FHIT: variants seen among roughly 807,000 people sequenced by gnomAD.
FHIT encodes bis(5'-adenosyl)-triphosphatase.
In FHIT, 19 loss-of-function variants were observed where a neutral mutation model predicts 17.9. That is an observed-to-expected ratio of 1.06 (90% CI 0.74 to 1.56). The LOEUF (loss-of-function observed/expected upper bound fraction) is 1.56. FHIT is among the 40% of genes most tolerant of loss of function. FHIT has a pLI of 0.00. For missense variants in FHIT, 248 were observed against 189.2 expected (o/e 1.31, Z -1.82); for synonymous variants, 81 against 69.7 (o/e 1.16, Z -0.81).
intron 5 of FHIT, among the ~76,000 whole-genome samples, chr3:60,225,391 T>G (rs975781493): frequency 6.6e-6 from 1 of 152,118 alleles, no homozygotes; most frequent in Non-Finnish European, 1.5e-5. Flanking sequence ...ATACACCAAG[T>G]GCTGGAGGAA....
chr3:59,989,333 C>G (rs1206251262), intron 7 of FHIT, among the ~76,000 whole-genome samples: 1 of 151,960 alleles, frequency 6.6e-6, no homozygotes, highest in Non-Finnish European at 1.5e-5. Context: ...TGACTTCCCC[C>G]ACACATTAGG....
rs141503857 is a variant in FHIT at position 60,939,923 on chromosome 3, T to C, written c.-111+102124A>G. Among the ~76,000 whole-genome samples the C allele has an allele frequency of 3.4e-4, 52 of 152,264 alleles. No homozygotes were observed. In the East Asian group the frequency reaches 8.7e-3, roughly 25 times the overall value. On this transcript the variant is annotated intron_variant, in intron 3 of 9. Coordinates refer to ENST00000492590, the MANE Select transcript of FHIT (RefSeq NM_002012.4). ...TTAGACTGGTTTCCATTTTTAATCA[T>C]GATCAAGACTCAGAAACGTAGCTAA...
At chr3:61,053,213 A>G (rs554625322) in intron 2 of FHIT, among the ~76,000 whole-genome samples, 1 of 152,198 alleles carries the variant, frequency 6.6e-6, no homozygotes, top group Non-Finnish European at 1.5e-5. Context: ...ATATGGTGAC[A>G]CATGGAATTC....
rs550669491 is a variant in FHIT, at chr3:61,127,378, G to A, written c.-164+73239C>T. Among the ~76,000 whole-genome samples the A allele has an allele frequency of 3.9e-5, 6 of 152,258 alleles. No homozygotes were observed. In the East Asian group the frequency reaches 7.7e-4, roughly 20 times the overall value. ...CAGGAGGAATTTTATATAAAAGATCGATACAGGTGAGATAAGATCTCCAAT... is the reference window on the plus strand; with the variant it reads ...CAGGAGGAATTTTATATAAAAGATCAATACAGGTGAGATAAGATCTCCAAT... On this transcript the variant is annotated intron_variant, in intron 2 of 9. Transcript: ENST00000492590.
In FHIT at chr3:59,897,958, G is replaced by A. The variant is rs577484223; in HGVS notation, c.348+24388C>T. On this transcript the variant is annotated intron_variant, in intron 8 of 9. Transcript: ENST00000492590. ...ATTTTTTGTATTTTTTAGTAGAGAC[G>A]GGGTTTCGCCGTGTTAGCCAGGATG... Among the ~76,000 whole-genome samples the A allele has an allele frequency of 1.1e-3, 165 of 151,998 alleles. 1 individual carries two copies. The highest frequency in any genetic ancestry group is 3.9e-3 in the African/African-American group (160 of 41,466).
intron 5 of FHIT, among the ~76,000 whole-genome samples, chr3:60,057,992 A>T (rs1322942916): frequency 6.6e-6 from 1 of 152,056 alleles, no homozygotes; most frequent in African/African-American, 2.4e-5. Context: ...TGTTTTGGTA[A>T]CAATTCCACT....
chr3:61,242,863 T>G (rs923648637), intron 1 of FHIT, among the ~76,000 whole-genome samples: 11 of 152,160 alleles, frequency 7.2e-5, no homozygotes, highest in Admixed American at 6.5e-5. Context: ...ATCTGATCCA[T>G]CTAGTGCAAG....
At chr3:60,325,764 C>T (rs558120704) in intron 5 of FHIT, among the ~76,000 whole-genome samples, 2 of 152,276 alleles carry the variant, frequency 1.3e-5, no homozygotes, top group African/African-American at 4.8e-5. Context: ...AGTCAGTGTC[C>T]TCTGCCCTGC....
chr3:60,685,352 C>T (rs1553698123), intron 4 of FHIT, among the ~76,000 whole-genome samples: 3 of 152,178 alleles, frequency 2.0e-5, no homozygotes, highest in Non-Finnish European at 2.9e-5. Flanking sequence ...AATTTGGCCT[C>T]CCCTACAATG....
intron 4 of FHIT, among the ~76,000 whole-genome samples, chr3:60,728,829 C>T (rs979971533): frequency 5.3e-5 from 8 of 151,954 alleles, no homozygotes; most frequent in Admixed American, 4.6e-4. Context: ...AACCTGAAAA[C>T]CTGTAACAAA....
chr3:59,855,777 C>A (rs971018358), intron 8 of FHIT, among the ~76,000 whole-genome samples: 1 of 150,654 alleles, frequency 6.6e-6, no homozygotes, highest in Admixed American at 6.6e-5. Flanking sequence ...AATAGATAAA[C>A]CTTTTTTTGT....
chr3:60,150,969 A>C (rs1700439161), intron 5 of FHIT, among the ~76,000 whole-genome samples: 1 of 152,126 alleles, frequency 6.6e-6, no homozygotes, highest in African/African-American at 2.4e-5. Flanking sequence ...ACTGAAATTT[A>C]CTTCACAATG....
chr3:59,818,575 T>C (rs1234745287), intron 8 of FHIT, among the ~76,000 whole-genome samples: 1 of 152,188 alleles, frequency 6.6e-6, no homozygotes, highest in Non-Finnish European at 1.5e-5. Context: ...TTGGGGGACT[T>C]GTTTACCATT....
chr3:60,007,738 A>G (rs1699980119), intron 7 of FHIT, among the ~76,000 whole-genome samples: 1 of 152,218 alleles, frequency 6.6e-6, no homozygotes, highest in African/African-American at 2.4e-5. Flanking sequence ...TTGGATGATA[A>G]AAGAGTATGA....
Position 60,513,548 on chromosome 3 carries a change from G to C in FHIT, c.103+23312C>G, listed in dbSNP as rs572118692. ...GATAACAAAGATAAGATTCCCTTTG[G>C]AGTTTAAAATCCTCCAATCTTTCAG... On this transcript the variant is annotated intron_variant, in intron 5 of 9. Coordinates refer to ENST00000492590, the MANE Select transcript of FHIT (RefSeq NM_002012.4). 5.3e-5 allele frequency among the ~76,000 whole-genome samples: 8 copies of C among 152,220 alleles called. 1 individual carries two copies. The South Asian group carries it at 1.7e-3, about 32-fold the overall frequency.
intron 2 of FHIT, among the ~76,000 whole-genome samples, chr3:61,181,597 T>A (rs1425415624): frequency 6.6e-6 from 1 of 152,202 alleles, no homozygotes; most frequent in Non-Finnish European, 1.5e-5. Context: ...CAGGCTGCTC[T>A]GATATTCCCT....
At chr3:60,828,661 T>C (rs1702209431) in intron 3 of FHIT, among the ~76,000 whole-genome samples, 1 of 152,084 alleles carries the variant, frequency 6.6e-6, no homozygotes, top group East Asian at 1.9e-4. Context: ...GTTGATCACC[T>C]GAGGTCAGGA....
intron 4 of FHIT, among the ~76,000 whole-genome samples, chr3:60,666,864 C>CT (rs71092626): frequency 0.74 from 90,589 of 122,060 alleles, 33,731 homozygotes; most frequent in East Asian, 0.83. Flanking sequence ...CTTTTCTTTT[C>CT]TTTTTTTTTT....
intron 3 of FHIT, among the ~76,000 whole-genome samples, chr3:60,934,875 A>G (rs1708121273): frequency 6.6e-6 from 1 of 152,168 alleles, no homozygotes; most frequent in African/African-American, 2.4e-5. Flanking sequence ...CAAAGGGCTG[A>G]GGTAACAAAT....
Sources: allele counts gnomAD v4.1 joint callset (sites outside exome capture counted in the v4.1 genomes callset), GRCh38; gene constraint gnomAD v4.1.1; transcripts MANE v1.5; gene names NCBI Gene and HGNC (gene_info 2026-07-23, HGNC 2026-07-21).